Variants in NAV3 observed in about 807,000 individuals in gnomAD.
NAV3 encodes neuron navigator 3.
A neutral mutation model predicts 244.7 loss-of-function variants in NAV3; 87 were observed. The observed-to-expected ratio is 0.36, with a 90% CI of 0.30 to 0.42. The LOEUF is 0.42. NAV3 is among the 20% of genes least tolerant of loss of function. The pLI is 1.00. For synonymous variants in NAV3, 1,126 were observed against 1,042.2 expected (o/e 1.08, Z -1.55); for missense variants, 2,663 against 2,893.3 (o/e 0.92, Z 1.83).
chr12:78,102,721 C>G (rs1407494521), intron 12 of NAV3, among the ~76,000 whole-genome samples: 1 of 152,182 alleles, frequency 6.6e-6, no homozygotes, highest in Non-Finnish European at 1.5e-5. Context: ...TCCCAAACCT[C>G]GATTCTTAAT....
At chr12:77,690,566 G>T (rs1041399531) in intron 2 of NAV3, among the ~76,000 whole-genome samples, 3 of 150,954 alleles carry the variant, frequency 2.0e-5, no homozygotes, top group African/African-American at 4.9e-5. Flanking sequence ...TGTAAATGGG[G>T]CAATATAATG....
intron 2 of NAV3, among the ~76,000 whole-genome samples, chr12:77,574,450 C>T (rs918215655): frequency 6.6e-6 from 1 of 152,106 alleles, no homozygotes; most frequent in East Asian, 1.9e-4. Flanking sequence ...CTGGCCATGG[C>T]CCTGCCACCA....
chr12:78,172,874 G>C (rs1958062379), intron 24 of NAV3, among the ~76,000 whole-genome samples: 1 of 151,478 alleles, frequency 6.6e-6, no homozygotes, highest in African/African-American at 2.4e-5. Flanking sequence ...GTTATTGAAA[G>C]GTCTTAAGTG....
Position 77,656,604 on chromosome 12 carries a change from G to A in NAV3, c.72+84338G>A, listed in dbSNP as rs374071658. Among the ~76,000 whole-genome samples, 117 of 131,338 alleles carry A rather than the reference G, an allele frequency of 8.9e-4. 2 individuals carry two copies. In the South Asian group the frequency reaches 0.024, roughly 27 times the overall value. The allele number at this position is 131,338 out of a possible 152,430, so 86.2% of individuals were successfully genotyped here. A position where few individuals can be genotyped will look rare whatever the true frequency, so the allele number is the denominator to read the frequency against. On this transcript the variant is annotated intron_variant, in intron 2 of 8. Coordinates refer to the NAV3 transcript ENST00000550042. Reference sequence around the variant, plus strand: ...AATTGAACTCAGCTCTGCACCAAGCGGACCTAATAGACATCTACAGAACTC... The same window carrying A: ...AATTGAACTCAGCTCTGCACCAAGCAGACCTAATAGACATCTACAGAACTC...
intron 1 of NAV3, among the ~76,000 whole-genome samples, chr12:77,876,870 T>C (rs1280043739): frequency 2.0e-5 from 3 of 152,090 alleles, no homozygotes; most frequent in Non-Finnish European, 4.4e-5. Flanking sequence ...GAAAAGTTAT[T>C]TTTCCTCCCT....
At chr12:78,076,397 C>T (rs371193211) in intron 12 of NAV3, among the ~76,000 whole-genome samples, 9 of 152,218 alleles carry the variant, frequency 5.9e-5, no homozygotes, top group East Asian at 5.8e-4. Flanking sequence ...TCTTATAATT[C>T]GCCATGTTAT....
chr12:77,980,173 C>T (rs1269515980), intron 5 of NAV3, among the ~76,000 whole-genome samples: 1 of 151,938 alleles, frequency 6.6e-6, no homozygotes, highest in African/African-American at 2.4e-5. Context: ...TGGTTGGTTT[C>T]CCAAGAAAAA....
intron 13 of NAV3, among the ~76,000 whole-genome samples, chr12:78,117,398 A>ATT (rs1370896125): frequency 4.5e-5 from 2 of 44,402 alleles, no homozygotes; most frequent in East Asian, 9.4e-4. Context: ...ATAAATATAT[A>ATT]TTTATATATT....
chr12:78,070,274 C>T (rs2137605593), intron 12 of NAV3, among the ~76,000 whole-genome samples: 1 of 152,170 alleles, frequency 6.6e-6, no homozygotes, highest in South Asian at 2.1e-4. Flanking sequence ...CCATAACAAC[C>T]TTCTAGGTTT....
At chr12:77,995,132 T>A (rs1008343333) in intron 6 of NAV3, among the ~76,000 whole-genome samples, 1 of 152,134 alleles carries the variant, frequency 6.6e-6, no homozygotes, top group Admixed American at 6.6e-5. Context: ...AGGTTTAGAA[T>A]CAATCAAGGA....
chr12:78,140,870 T>A (rs1217351187), intron 20 of NAV3, among the ~76,000 whole-genome samples: 1 of 151,248 alleles, frequency 6.6e-6, no homozygotes, highest in Non-Finnish European at 1.5e-5. Context: ...TTTTTAACTT[T>A]TATTTTTATT....
At chr12:78,060,668 A>G (rs1884195509) in intron 12 of NAV3, among the ~76,000 whole-genome samples, 1 of 152,174 alleles carries the variant, frequency 6.6e-6, no homozygotes, top group Admixed American at 6.6e-5. Flanking sequence ...ATAGAGTGGT[A>G]AATGAGTTCC....
At chr12:78,106,440 A>G (rs1954805937) in intron 12 of NAV3, among the ~76,000 whole-genome samples, 1 of 152,220 alleles carries the variant, frequency 6.6e-6, no homozygotes, top group African/African-American at 2.4e-5. Context: ...GTGAAGAGAT[A>G]CTCATTTGTG....
intron 2 of NAV3, among the ~76,000 whole-genome samples, chr12:77,646,201 T>G: frequency 6.6e-6 from 1 of 152,116 alleles, no homozygotes; most frequent in Non-Finnish European, 1.5e-5. Context: ...TCATTCATCT[T>G]TCTGTTTGAA....
intron 2 of NAV3, among the ~76,000 whole-genome samples, chr12:77,758,617 C>A (rs1312724571): frequency 6.6e-6 from 1 of 152,086 alleles, no homozygotes; most frequent in East Asian, 1.9e-4. Context: ...CTAGAAATTG[C>A]TGATAATACA....
chr12:78,093,014 A>G (rs1954046762), intron 12 of NAV3, among the ~76,000 whole-genome samples: 2 of 152,154 alleles, frequency 1.3e-5, no homozygotes, highest in African/African-American at 4.8e-5. Flanking sequence ...TTCTTGCAAT[A>G]ATTTTCATTT....
At chr12:77,909,640 A>G (rs978752729) in intron 1 of NAV3, among the ~76,000 whole-genome samples, 1 of 152,070 alleles carries the variant, frequency 6.6e-6, no homozygotes, top group African/African-American at 2.4e-5. Flanking sequence ...CACCTTTCAA[A>G]TACATTGCCC....
At chr12:77,855,805 A>G (rs1878311371) in intron 1 of NAV3, among the ~76,000 whole-genome samples, 1 of 152,258 alleles carries the variant, frequency 6.6e-6, no homozygotes, top group South Asian at 2.1e-4. Context: ...GTTGACTGCC[A>G]GCACATTGCA....
chr12:78,175,188 T>C, intron 24 of NAV3, 118 bp from the exon 25 acceptor site: 1 of 1,066,494 alleles, frequency 9.4e-7, no homozygotes, highest in Admixed American at 2.4e-5. Context: ...ATTGAAATTA[T>C]CTGTACAAAG....
Sources: allele counts gnomAD v4.1 joint callset (sites outside exome capture counted in the v4.1 genomes callset), GRCh38; gene constraint gnomAD v4.1.1; transcripts MANE v1.5; gene names NCBI Gene and HGNC (gene_info 2026-07-23, HGNC 2026-07-21).